Variants in SRRM2 observed in about 807,000 individuals in gnomAD.
SRRM2 encodes serine/arginine repetitive matrix 2.
A neutral mutation model predicts 213.8 loss-of-function variants in SRRM2; 30 were observed. The ratio of observed to expected loss-of-function variants is 0.14; its 90% CI spans 0.10 to 0.19. The LOEUF is 0.19. SRRM2 is among the 10% of genes least tolerant of loss of function. SRRM2 has a pLI of 1.00. For synonymous variants in SRRM2, 2,025 were observed against 1,377.7 expected, an observed-to-expected ratio of 1.47 and a Z score of -10.40; for missense variants, 4,904 against 3,647.0, an observed-to-expected ratio of 1.34 and a Z score of -8.88.
Position 2,769,107 on chromosome 16 carries a change from C to A in SRRM2, c.7844C>A (p.Ser2615Tyr), listed in dbSNP as rs1229703408. 6.2e-7 allele frequency: 1 copy of A among 1,613,986 alleles called. No homozygotes were observed. Residue 2615 changes from serine (S) to tyrosine (Y), a missense_variant, in exon 12 of 15, where the codon TCC becomes TAC. Physicochemically the swap from Ser to Tyr is moderately radical, Grantham distance 144. Coordinates refer to ENST00000301740, the MANE Select transcript of SRRM2 (RefSeq NM_016333.4). Reference protein sequence around the residue: ...RRSSSSSSSSSSSSSSSSSSS... With the variant: ...RRSSSSSSSSYSSSSSSSSSS... Reference sequence around the variant, plus strand: ...TCTAGCAGTTCCAGTTCCAGCTCCTCCTCTTCATCTTCCTCCTCCTCCTCC... The same window carrying A: ...TCTAGCAGTTCCAGTTCCAGCTCCTACTCTTCATCTTCCTCCTCCTCCTCC...
At position 2,765,585 on chromosome 16, in the gene SRRM2, C is replaced by T. The variant is rs140707916; in HGVS notation, c.5057C>T (p.Pro1686Leu). ...PEPKTKSRTP[P>L]RRRSSRSSPE... ...CCCAAGACCAAGTCTCGTACACCAC[C>T]TCGACGTCGCAGCTCTCGATCATCT... The change falls in exon 11 of 15, where the codon CCT (proline) becomes CTT (leucine). Residue 1686 changes from proline (P) to leucine (L), a missense_variant. By Grantham distance (98) the Pro-to-Leu change is moderately conservative (BLOSUM62 -3). Coordinates refer to ENST00000301740, the MANE Select transcript of SRRM2 (RefSeq NM_016333.4). 20 of 1,614,182 alleles carry T rather than the reference C, an allele frequency of 1.2e-5. No individual in the cohort carries two copies. Among genetic ancestry groups the T allele is most frequent in the East Asian group, 2.2e-5 (1 of 44,888 alleles).
At position 2,761,727 on chromosome 16, in the gene SRRM2, C is replaced by A. The variant is rs781663888; in HGVS notation, c.1199C>A (p.Thr400Asn). 3.1e-6 allele frequency: 5 copies of A among 1,610,112 alleles called. No homozygotes were observed. The South Asian group carries it at 5.5e-5, about 18-fold the overall frequency. ...PVNPPSEASPTRDRSPPKSPE... is the reference protein window; with the variant it reads ...PVNPPSEASPNRDRSPPKSPE... The stretch of plus-strand genomic sequence containing the variant: ...AACCCCCCATCTGAGGCCTCTCCAA[C>A]TCGGGACCGTTCACCACCTAAGTCT... Residue 400 changes from threonine to asparagine, a missense_variant, in exon 11 of 15, where the codon ACT becomes AAT. By Grantham distance (65) the Thr-to-Asn change is moderately conservative (BLOSUM62 0). Coordinates refer to ENST00000301740, the MANE Select transcript of SRRM2 (RefSeq NM_016333.4).
rs1484605329 is a variant in SRRM2 at position 2,765,436 on chromosome 16, C to T, written c.4908C>T (p.Ser1636=). 3.7e-6 allele frequency: 6 copies of T among 1,614,022 alleles called. No individual in the cohort carries two copies. The highest frequency in any genetic ancestry group is 5.1e-6 in the Non-Finnish European group (6 of 1,180,038). The change falls in exon 11 of 15, where the codon AGC becomes AGT. Residue 1636 remains serine (S), a synonymous_variant. Coordinates refer to ENST00000301740, the MANE Select transcript of SRRM2 (RefSeq NM_016333.4). ...APAPRALPRR[S]RSGSSSKGRG... ...CCCCTCGGGCCCTTCCCAGACGAAG[C>T]AGATCAGGTTCATCAAGCAAAGGCA...
chr16:2,753,922 C>T (rs901446420), intron 1 of SRRM2, among the ~76,000 whole-genome samples: 2 of 152,074 alleles, frequency 1.3e-5, no homozygotes, highest in African/African-American at 4.8e-5. Flanking sequence ...CTTTTGGTAC[C>T]GTTTTCTTTT....
rs1433010919 is a variant in SRRM2 at position 2,764,559 on chromosome 16, A to G, written c.4031A>G (p.Asn1344Ser). The G allele has an allele frequency of 2.5e-6, 4 of 1,614,122 alleles. No homozygotes were observed. The highest frequency in any genetic ancestry group is 3.4e-6 in the Non-Finnish European group (4 of 1,180,052). ...RNSGPLGTEM[N>S]TGFSSEVKED... ...TCAGGCCCACTTGGTACAGAAATGA[A>G]TACTGGATTTTCTTCTGAGGTTAAA... Residue 1344 changes from asparagine (N) to serine (S), a missense_variant, in exon 11 of 15, where the codon AAT (asparagine) becomes AGT (serine). Asn to Ser is a conservative substitution (Grantham distance 46). Transcript: ENST00000301740.
chr16:2,756,670 A>G, intron 2 of SRRM2, 64 bp downstream of exon 2: 1 of 1,543,430 alleles, frequency 6.5e-7, no homozygotes, highest in Non-Finnish European at 8.7e-7. Flanking sequence ...GTTAGGTGGG[A>G]TGTATAGGGA....
In SRRM2 at chr16:2,767,194, C is replaced by G; in HGVS notation, c.6666C>G (p.Thr2222=). The change falls in exon 11 of 15, where the codon ACC becomes ACG. Residue 2222 remains threonine (T), a synonymous_variant. Coordinates refer to ENST00000301740, the MANE Select transcript of SRRM2 (RefSeq NM_016333.4). Reference sequence around the variant, plus strand: ...CGGTGCCTCTCATGAGTCTCAGAACCGCACCAGCAGCCAACCTTGCCAGCA... The same window carrying G: ...CGGTGCCTCTCATGAGTCTCAGAACGGCACCAGCAGCCAACCTTGCCAGCA... ...PAPVPLMSLR[T]APAANLASRI... The G allele has an allele frequency of 3.1e-6, 5 of 1,614,186 alleles. No homozygotes were observed. The highest frequency in any genetic ancestry group is 4.2e-6 in the Non-Finnish European group (5 of 1,180,036).
chr16:2,752,832 G>T lies in SRRM2; in HGVS notation c.-46G>T. Reference sequence around the variant, plus strand: ...AAGACCTCTCCCCCTCGGAGGCGGCGGGCGGAGGCGGCGGGTGAGAGGGTG... The same window carrying T: ...AAGACCTCTCCCCCTCGGAGGCGGCTGGCGGAGGCGGCGGGTGAGAGGGTG... On this transcript the variant is annotated 5_prime_UTR_variant, in exon 1 of 15. Transcript: ENST00000301740. The T allele has an allele frequency of 3.5e-6, 1 of 289,042 alleles. No homozygotes were observed. Among genetic ancestry groups the T allele is most frequent in the Non-Finnish European group, 7.1e-6 (1 of 141,584 alleles). 17.9% of individuals were successfully genotyped at this position (289,042 alleles called of 1,614,324 possible).
Position 2,766,052 on chromosome 16 carries a change from T to C in SRRM2, c.5524T>C (p.Ser1842Pro). Residue 1842 changes from serine to proline, a missense_variant, in exon 11 of 15, where the codon TCT (serine) becomes CCT (proline). Physicochemically the swap from Ser to Pro is moderately conservative, Grantham distance 74. Coordinates refer to ENST00000301740, the MANE Select transcript of SRRM2 (RefSeq NM_016333.4). The surrounding 1 kb of genome is among the most constrained non-coding windows in gnomAD (Gnocchi z 7.0). ...CTCCTCTCGACGCCGAAGAGGCCGC[T>C]CTCGGACACCCCCAACCAGTCGGAA... ...RTSSRRRRGRSRTPPTSRKRS... is the reference protein window; with the variant it reads ...RTSSRRRRGRPRTPPTSRKRS... 1.2e-6 allele frequency: 2 copies of C among 1,614,046 alleles called. No homozygotes were observed. Among genetic ancestry groups the C allele is most frequent in the Non-Finnish European group, 1.7e-6 (2 of 1,180,020 alleles).
rs769185854 is a variant in SRRM2, at chr16:2,764,496, G to A, written c.3968G>A (p.Arg1323Lys). Residue 1323 changes from arginine to lysine, a missense_variant, in exon 11 of 15, where the codon AGG (arginine) becomes AAG (lysine). Coordinates refer to ENST00000301740, the MANE Select transcript of SRRM2 (RefSeq NM_016333.4). Reference sequence around the variant, plus strand: ...AAAGAACTGTCTAACTCCCCACTCAGGGAGAACAGCTTTGGATCACCTTTA... The same window carrying A: ...AAAGAACTGTCTAACTCCCCACTCAAGGAGAACAGCTTTGGATCACCTTTA... ...EHKELSNSPL[R>K]ENSFGSPLEF... The A allele has an allele frequency of 1.2e-6, 2 of 1,614,162 alleles. No individual in the cohort carries two copies. The highest frequency in any genetic ancestry group is 1.7e-5 in the Admixed American group (1 of 60,016).
Position 2,767,889 on chromosome 16 carries a change from C to T in SRRM2, c.7361C>T (p.Ala2454Val), listed in dbSNP as rs541442217. The T allele has an allele frequency of 2.5e-6, 4 of 1,614,030 alleles. No individual in the cohort carries two copies. Among genetic ancestry groups the T allele is most frequent in the Non-Finnish European group, 3.4e-6 (4 of 1,180,036 alleles). ...QDQPRSPVPS[A>V]FSDQSRCLIA... The stretch of plus-strand genomic sequence containing the variant: ...CAGCCGAGGTCTCCTGTGCCTTCTG[C>T]TTTTTCAGACCAATCCCGTTGTTTG... The change falls in exon 11 of 15, where the codon GCT (alanine) becomes GTT (valine). Residue 2454 changes from alanine (A) to valine (V), a missense_variant. Ala to Val is a moderately conservative substitution (Grantham distance 64). Transcript: ENST00000301740.
intron 1 of SRRM2, among the ~76,000 whole-genome samples, 195 bp downstream of exon 1, chr16:2,753,041 C>CT (rs1398339353): frequency 6.6e-6 from 1 of 150,746 alleles, no homozygotes; most frequent in East Asian, 1.9e-4. Flanking sequence ...GCTTCACCCC[C>CT]CCCCGCCCCT....
chr16:2,753,045 C>CCT lies in SRRM2; in HGVS notation c.-32+199_-32+200insCT, dbSNP rs5815133. Reference sequence around the variant, plus strand: ...GTCGCGCGCGGGCTTCACCCCCCCCCGCCCCTCCCCCATGACAACGGCGTT... The same window carrying CCT: ...GTCGCGCGCGGGCTTCACCCCCCCCCCTGCCCCTCCCCCATGACAACGGCGTT... On this transcript the variant is annotated intron_variant, in intron 1 of 14. Coordinates refer to ENST00000301740, the MANE Select transcript of SRRM2 (RefSeq NM_016333.4). 2.6e-5 allele frequency among the ~76,000 whole-genome samples: 4 copies of CCT among 150,978 alleles called. 1 individual carries two copies. The highest frequency in any genetic ancestry group is 9.7e-5 in the African/African-American group (4 of 41,324).
Position 2,762,879 on chromosome 16 carries a change from C to T in SRRM2, c.2351C>T (p.Pro784Leu). The T allele has an allele frequency of 2.5e-6, 4 of 1,614,198 alleles. No individual in the cohort carries two copies. Among genetic ancestry groups the T allele is most frequent in the Non-Finnish European group, 3.4e-6 (4 of 1,180,030 alleles). ...SLRRSLSGSS[P>L]CPKQKSQTPP... ...AGGCGCAGCCTTTCAGGGTCTTCCC[C>T]ATGCCCTAAACAAAAGTCACAGACA... The change falls in exon 11 of 15, where the codon CCA becomes CTA. Residue 784 changes from proline to leucine, a missense_variant. Transcript: ENST00000301740.
intron 2 of SRRM2, 119 bp from the exon 3 acceptor site, chr16:2,757,353 C>A: frequency 1.3e-6 from 1 of 764,148 alleles, no homozygotes; most frequent in Non-Finnish European, 2.2e-6. Flanking sequence ...TTTGGGTGAG[C>A]GAAAAGTTCT....
chr16:2,770,466 G>A lies in SRRM2; in HGVS notation c.8135+1G>A, dbSNP rs1244210050. On this transcript the variant is annotated splice_donor_variant, in intron 13 of 14. Coordinates refer to ENST00000301740, the MANE Select transcript of SRRM2 (RefSeq NM_016333.4). LOFTEE classifies it high-confidence loss of function. ...AGCCCTCACCACGGGACCAGCAGAG[G>A]TAAGGCCAACTGCAGGTGTCAGCAC... is the stretch of plus-strand genomic sequence containing the variant. The A allele has an allele frequency of 6.2e-7, 1 of 1,604,956 alleles. No individual in the cohort carries two copies. The highest frequency in any genetic ancestry group is 8.5e-7 in the Non-Finnish European group (1 of 1,176,114).
rs760245318 is a variant in SRRM2 at position 2,759,616 on chromosome 16, C to T, written c.788C>T (p.Ser263Leu). 2.5e-6 allele frequency: 4 copies of T among 1,614,086 alleles called. No homozygotes were observed. In the African/African-American group the frequency reaches 5.3e-5, roughly 22 times the overall value. Residue 263 changes from serine to leucine, a missense_variant, in exon 9 of 15, where the codon TCA (serine) becomes TTA (leucine). Coordinates refer to ENST00000301740, the MANE Select transcript of SRRM2 (RefSeq NM_016333.4). ...CCCAAGAGCCGCCGGGCCCACCGTTCAACTTCTGCTGACTCTGCTTCCTCC... is the reference window on the plus strand; with the variant it reads ...CCCAAGAGCCGCCGGGCCCACCGTTTAACTTCTGCTGACTCTGCTTCCTCC... ...PAPKSRRAHRSTSADSASSSD... is the reference protein window; with the variant it reads ...PAPKSRRAHRLTSADSASSSD...
chr16:2,761,325 C>T (rs1177455672), intron 10 of SRRM2, among the ~76,000 whole-genome samples: 4 of 152,156 alleles, frequency 2.6e-5, no homozygotes, highest in East Asian at 3.8e-4. Flanking sequence ...TGTAGTAGTG[C>T]ATTAGTTATT....
Position 2,757,478 on chromosome 16 carries a change from G to A in SRRM2, c.249G>A (p.Glu83=). Residue 83 remains glutamate, a synonymous_variant, in exon 3 of 15, where the codon GAG becomes GAA. Transcript: ENST00000301740. ...GAAGGGATTTGTTCTTCAGGTACGA[G>A]GAACAGCAAATTCAGGAAAAAGTGG... ...LEEMMEEQGY[E]EQQIQEKVAT... is the part of the protein sequence containing the mutation. 1.2e-6 allele frequency: 2 copies of A among 1,613,974 alleles called. No individual in the cohort carries two copies. The highest frequency in any genetic ancestry group is 1.7e-6 in the Non-Finnish European group (2 of 1,179,914).
Sources: allele counts gnomAD v4.1 joint callset (sites outside exome capture counted in the v4.1 genomes callset), GRCh38; gene constraint gnomAD v4.1.1; non-coding constraint Gnocchi (gnomAD v3.1); transcripts MANE v1.5; gene names NCBI Gene and HGNC (gene_info 2026-07-23, HGNC 2026-07-21).